The following IFT43 variants were observed in gnomAD, a reference collection of about 807,000 sequenced individuals.
The protein encoded by IFT43 is intraflagellar transport protein 43 homolog.
In IFT43, 33 loss-of-function variants were observed where a neutral mutation model predicts 32.3. That is an observed-to-expected ratio of 1.02 (90% CI 0.77 to 1.37). IFT43 has a LOEUF of 1.37. IFT43 is among the 40% of genes most tolerant of loss of function. The pLI, the probability that IFT43 is intolerant of heterozygous loss-of-function variation, is 0.00. For missense variants in IFT43, 274 were observed against 265.9 expected (o/e 1.03, Z -0.21); for synonymous variants, 93 against 98.2 (o/e 0.95, Z 0.31).
intron 3 of IFT43, among the ~76,000 whole-genome samples, chr14:76,030,640 A>G (rs1320990887): frequency 6.6e-6 from 1 of 152,234 alleles, no homozygotes; most frequent in Non-Finnish European, 1.5e-5. Context: ...CTTCCTAAGT[A>G]AAACTCAAGA....
intron 3 of IFT43, among the ~76,000 whole-genome samples, chr14:76,023,569 G>A (rs1192805743): frequency 6.6e-6 from 1 of 152,200 alleles, no homozygotes; most frequent in East Asian, 1.9e-4. Context: ...CATTTAGGAA[G>A]CACTTGTAGA....
At chr14:76,006,216 C>A (rs114059481) in intron 2 of IFT43, among the ~76,000 whole-genome samples, 1 of 152,146 alleles carries the variant, frequency 6.6e-6, no homozygotes, top group Admixed American at 6.5e-5. Context: ...GTGCTGAGCA[C>A]TAGGAAAGGT....
intron 5 of IFT43, among the ~76,000 whole-genome samples, chr14:76,072,524 T>C (rs1309460742): frequency 6.6e-6 from 1 of 152,172 alleles, no homozygotes; most frequent in Non-Finnish European, 1.5e-5. Flanking sequence ...TTCCTTGTTA[T>C]GTGAGCAGCT....
At chr14:75,990,292 A>G (rs1452453996) in intron 2 of IFT43, among the ~76,000 whole-genome samples, 1 of 152,258 alleles carries the variant, frequency 6.6e-6, no homozygotes, top group Non-Finnish European at 1.5e-5. Flanking sequence ...TTAGCACCTG[A>G]TTAAGAAAAC....
chr14:75,991,695 A>G (rs1430291862), intron 2 of IFT43, among the ~76,000 whole-genome samples: 2 of 152,164 alleles, frequency 1.3e-5, no homozygotes, highest in Admixed American at 1.3e-4. Flanking sequence ...GCCATTCAGT[A>G]ATACCTACTT....
chr14:76,039,655 T>C (rs2036669144), intron 3 of IFT43, among the ~76,000 whole-genome samples: 1 of 152,218 alleles, frequency 6.6e-6, no homozygotes, highest in South Asian at 2.1e-4. Context: ...ATTTTATTTA[T>C]TTATTTTTAA....
intron 3 of IFT43, among the ~76,000 whole-genome samples, chr14:76,051,082 C>CT (rs2036905851): frequency 6.6e-6 from 1 of 151,434 alleles, no homozygotes; most frequent in Admixed American, 6.6e-5. Context: ...TATCAGTCTA[C>CT]CAGACATCTT....
intron 3 of IFT43, among the ~76,000 whole-genome samples, chr14:76,042,264 A>C (rs2036721995): frequency 6.6e-6 from 1 of 152,134 alleles, no homozygotes; most frequent in South Asian, 2.1e-4. Context: ...GAGTAAAAAA[A>C]AAAAAAAAAG....
At chr14:76,000,485 G>T (rs1377843090) in intron 2 of IFT43, among the ~76,000 whole-genome samples, 1 of 151,706 alleles carries the variant, frequency 6.6e-6, no homozygotes, top group Non-Finnish European at 1.5e-5. Flanking sequence ...TGTTCGCCAG[G>T]ATTGTCTCGA....
chr14:76,017,078 A>G (rs1381309264), intron 2 of IFT43, among the ~76,000 whole-genome samples: 4 of 152,160 alleles, frequency 2.6e-5, no homozygotes, highest in South Asian at 2.1e-4. Flanking sequence ...TTCCAGGACT[A>G]TGTTAAATAA....
At chr14:76,023,019 CATT>C (rs989057504) in intron 3 of IFT43, among the ~76,000 whole-genome samples, 55 of 152,316 alleles carry the variant, frequency 3.6e-4, no homozygotes, top group Admixed American at 4.6e-4. Context: ...AACCATCTGA[CATT>C]ATCTCATCAG....
intron 2 of IFT43, among the ~76,000 whole-genome samples, chr14:76,009,995 A>G (rs1199036698): frequency 2.0e-5 from 3 of 152,088 alleles, no homozygotes; most frequent in Admixed American, 6.6e-5. Flanking sequence ...GGGTTTCACC[A>G]TGTTGGCTAG....
chr14:76,022,447 GA>G (rs1329641145), intron 3 of IFT43, 53 bp downstream of exon 3: 39 of 1,034,892 alleles, frequency 3.8e-5, no homozygotes, highest in Non-Finnish European at 5.5e-5. Context: ...CGGTTGGGGG[GA>G]CTTTGCTCCT....
At chr14:76,069,998 G>T (rs566542622) in intron 5 of IFT43, among the ~76,000 whole-genome samples, 1 of 152,334 alleles carries the variant, frequency 6.6e-6, no homozygotes, top group Non-Finnish European at 1.5e-5. Context: ...GGACAAGCTG[G>T]GTTGAGCCAC....
chr14:75,990,410 C>T (rs2035614136), intron 2 of IFT43, among the ~76,000 whole-genome samples: 1 of 152,208 alleles, frequency 6.6e-6, no homozygotes, highest in Admixed American at 6.5e-5. Context: ...ATACTTATTA[C>T]ATTGTATTCT....
intron 3 of IFT43, among the ~76,000 whole-genome samples, chr14:76,057,798 C>T (rs905554741): frequency 5.3e-5 from 8 of 152,074 alleles, no homozygotes; most frequent in African/African-American, 1.7e-4. Flanking sequence ...AACAAAAAAC[C>T]CTATGATGAC....
chr14:76,028,191 C>T (rs1389272182), intron 3 of IFT43, among the ~76,000 whole-genome samples: 3 of 152,262 alleles, frequency 2.0e-5, no homozygotes, highest in African/African-American at 7.2e-5. Context: ...TAGATCTCTC[C>T]ATTGCAAAGG....
At chr14:76,008,750 A>G (rs182810962) in intron 2 of IFT43, among the ~76,000 whole-genome samples, 15 of 152,328 alleles carry the variant, frequency 9.8e-5, no homozygotes, top group African/African-American at 2.9e-4. Flanking sequence ...TGTAGCATGC[A>G]GTAAAGACAC....
chr14:76,071,716 T>G (rs951217863), intron 5 of IFT43, among the ~76,000 whole-genome samples: 1 of 152,220 alleles, frequency 6.6e-6, no homozygotes, highest in Non-Finnish European at 1.5e-5. Flanking sequence ...TGAGTATTTA[T>G]TACCTTTCTT....
Sources: allele counts gnomAD v4.1 joint callset (sites outside exome capture counted in the v4.1 genomes callset), GRCh38; gene constraint gnomAD v4.1.1; transcripts MANE v1.5; gene names NCBI Gene and HGNC (gene_info 2026-07-23, HGNC 2026-07-21).